The following EYS variants were observed in gnomAD, a reference collection of about 807,000 sequenced individuals.
EYS encodes the protein protein eyes shut homolog.
A neutral mutation model predicts 282.1 loss-of-function variants in EYS; 250 were observed. The ratio of observed to expected loss-of-function variants is 0.89; its 90% CI spans 0.80 to 0.98. The LOEUF is 0.98. Among genes scored for constraint, EYS ranks in the 50% least tolerant of loss-of-function variants. The pLI is 0.00. For synonymous variants in EYS, 1,355 were observed against 1,282.9 expected (o/e 1.06, Z -1.20); for missense variants, 4,016 against 3,709.0 (o/e 1.08, Z -2.15).
At chr6:64,495,797 T>C (rs766952400) in intron 26 of EYS, among the ~76,000 whole-genome samples, 2 of 151,936 alleles carry the variant, frequency 1.3e-5, no homozygotes, top group Non-Finnish European at 2.9e-5. Flanking sequence ...TTTTAATTAA[T>C]AAACAATTCT....
At chr6:65,213,903 G>A (rs962703621) in intron 12 of EYS, among the ~76,000 whole-genome samples, 3 of 152,076 alleles carry the variant, frequency 2.0e-5, no homozygotes, top group Non-Finnish European at 2.9e-5. Flanking sequence ...GCTCACGCCT[G>A]TAACCCCAGC....
chr6:65,690,094 T>C (rs1305460454), intron 1 of EYS, among the ~76,000 whole-genome samples: 1 of 150,186 alleles, frequency 6.7e-6, no homozygotes, highest in African/African-American at 2.4e-5. Context: ...AACATCTGTA[T>C]GCAGAAGTAC....
chr6:64,956,533 C>T (rs1769706416), intron 14 of EYS, among the ~76,000 whole-genome samples: 1 of 152,112 alleles, frequency 6.6e-6, no homozygotes, highest in Non-Finnish European at 1.5e-5. Context: ...TCAAATATTT[C>T]TTGAGCAATA....
intron 24 of EYS, among the ~76,000 whole-genome samples, chr6:64,608,015 G>A (rs904740964): frequency 1.7e-4 from 26 of 151,964 alleles, no homozygotes; most frequent in Admixed American, 4.6e-4. Flanking sequence ...AAATAATAAC[G>A]TTTTAATGGA....
At chr6:65,191,293 T>C (rs906618521) in intron 12 of EYS, among the ~76,000 whole-genome samples, 4 of 151,790 alleles carry the variant, frequency 2.6e-5, no homozygotes, top group Admixed American at 2.0e-4. Flanking sequence ...CTAAAGAAAA[T>C]TGTAAAAAGC....
chr6:65,221,182 GAGGAGAAACTC>G (rs1353156858), intron 12 of EYS, among the ~76,000 whole-genome samples: 2 of 152,186 alleles, frequency 1.3e-5, no homozygotes, highest in African/African-American at 4.8e-5. Context: ...CCCATTTTCT[GAGGAGAAACTC>G]AAGTTGGTTG....
At chr6:63,974,068 A>G (rs1766716532) in intron 35 of EYS, among the ~76,000 whole-genome samples, 1 of 152,032 alleles carries the variant, frequency 6.6e-6, no homozygotes, top group Non-Finnish European at 1.5e-5. Context: ...AATATTGTAA[A>G]CCCAAAGCCA....
intron 12 of EYS, among the ~76,000 whole-genome samples, chr6:65,187,033 A>G (rs983344841): frequency 3.3e-5 from 5 of 151,800 alleles, no homozygotes; most frequent in African/African-American, 9.7e-5. Context: ...CTGGGAACAC[A>G]GGCACTATTT....
At chr6:64,916,811 T>C (rs1167203184) in intron 15 of EYS, among the ~76,000 whole-genome samples, 1 of 152,234 alleles carries the variant, frequency 6.6e-6, no homozygotes, top group East Asian at 1.9e-4. Flanking sequence ...TAATTTGCTC[T>C]TTTCCCTAGT....
At chr6:65,630,286 A>G (rs1766865282) in intron 2 of EYS, among the ~76,000 whole-genome samples, 1 of 152,200 alleles carries the variant, frequency 6.6e-6, no homozygotes, top group Non-Finnish European at 1.5e-5. Flanking sequence ...CTTCATTTAG[A>G]GACTATCACA....
chr6:65,222,844 A>T (rs1394993317), intron 12 of EYS, among the ~76,000 whole-genome samples: 1 of 152,188 alleles, frequency 6.6e-6, no homozygotes, highest in Non-Finnish European at 1.5e-5. Context: ...AAGAAGAAAC[A>T]TGGTGGCACC....
intron 24 of EYS, among the ~76,000 whole-genome samples, chr6:64,612,256 AT>A (rs1359772826): frequency 1.3e-5 from 2 of 152,046 alleles, no homozygotes; most frequent in Admixed American, 6.6e-5. Flanking sequence ...CTGTGTTTTA[AT>A]TTAAGGGCTG....
At chr6:65,662,875 A>C (rs1768055336) in intron 1 of EYS, among the ~76,000 whole-genome samples, 2 of 152,218 alleles carry the variant, frequency 1.3e-5, no homozygotes, top group Non-Finnish European at 1.5e-5. Flanking sequence ...TAAACTTAAC[A>C]AAATTTTACC....
chr6:64,419,077 T>A (rs1393197367), intron 28 of EYS, among the ~76,000 whole-genome samples: 1 of 152,216 alleles, frequency 6.6e-6, no homozygotes, highest in African/African-American at 2.4e-5. Flanking sequence ...GGCTCCCATC[T>A]GAGTTCCTCA....
intron 35 of EYS, among the ~76,000 whole-genome samples, chr6:63,983,419 G>A (rs946738411): frequency 1.3e-5 from 2 of 151,398 alleles, no homozygotes; most frequent in African/African-American, 4.8e-5. Flanking sequence ...TCTGTTTCTT[G>A]TCTTTGTGAT....
chr6:64,756,523 C>A (rs1772941984), intron 22 of EYS, among the ~76,000 whole-genome samples: 1 of 152,122 alleles, frequency 6.6e-6, no homozygotes, highest in African/African-American at 2.4e-5. Flanking sequence ...GCTGATTTAT[C>A]AAGCACATTT....
intron 5 of EYS, among the ~76,000 whole-genome samples, chr6:65,405,970 T>G (rs1766719436): frequency 6.6e-6 from 1 of 152,104 alleles, no homozygotes; most frequent in African/African-American, 2.4e-5. Context: ...GGAAAATTCA[T>G]GTTTAATATT....
intron 35 of EYS, among the ~76,000 whole-genome samples, chr6:63,903,061 T>G (rs1046857240): frequency 6.6e-6 from 1 of 152,056 alleles, no homozygotes; most frequent in Non-Finnish European, 1.5e-5. Flanking sequence ...CCATCAGAAG[T>G]TGGTAATTAT....
intron 35 of EYS, among the ~76,000 whole-genome samples, chr6:63,980,014 C>G (rs1426290051): frequency 1.3e-5 from 2 of 151,820 alleles, no homozygotes; most frequent in South Asian, 4.1e-4. Context: ...CACTTTACAG[C>G]AGTAAATTAG....
Sources: gnomAD v4.1 joint callset for allele counts (sites outside exome capture counted in the v4.1 genomes callset) on GRCh38, gnomAD v4.1.1 for gene constraint, MANE v1.5 for transcripts, NCBI Gene and HGNC (gene_info 2026-07-23, HGNC 2026-07-21) for gene names.